The following GRIN3A variants were observed in gnomAD, a reference collection of about 807,000 sequenced individuals.
GRIN3A encodes the protein glutamate receptor ionotropic, NMDA 3A.
A neutral mutation model predicts 92.4 loss-of-function variants in GRIN3A; 47 were observed. The ratio of observed to expected loss-of-function variants is 0.51; its 90% CI spans 0.40 to 0.65. GRIN3A has a LOEUF of 0.65. GRIN3A is among the 30% of genes least tolerant of loss of function. The pLI, the probability that GRIN3A is intolerant of heterozygous loss-of-function variation, is 0.00. For synonymous variants in GRIN3A, 527 were observed against 540.6 expected, an observed-to-expected ratio of 0.97 and a Z score of 0.35; for missense variants, 1,324 against 1,393.1, an observed-to-expected ratio of 0.95 and a Z score of 0.79.
chr9:101,688,694 G>C (rs1829572942), intron 1 of GRIN3A, among the ~76,000 whole-genome samples: 1 of 152,084 alleles, frequency 6.6e-6, no homozygotes. Context: ...GGCCGAGGCA[G>C]GATCACTTGA....
chr9:101,735,464 G>A (rs1382670923), intron 1 of GRIN3A, among the ~76,000 whole-genome samples: 1 of 151,350 alleles, frequency 6.6e-6, no homozygotes, highest in African/African-American at 2.4e-5. Flanking sequence ...GGTTTTTCTG[G>A]TCCCCTTGTT....
At chr9:101,677,371 T>C (rs570962796) in intron 2 of GRIN3A, among the ~76,000 whole-genome samples, 2 of 152,122 alleles carry the variant, frequency 1.3e-5, no homozygotes, top group African/African-American at 4.8e-5. Context: ...TTTTTCTGAA[T>C]TTTTTGTTTT....
intron 6 of GRIN3A, among the ~76,000 whole-genome samples, chr9:101,603,233 G>A (rs1403999856): frequency 1.3e-5 from 2 of 151,986 alleles, no homozygotes; most frequent in South Asian, 4.1e-4. Flanking sequence ...TGCTTTTTTC[G>A]AGATGGGACC....
At chr9:101,703,730 T>G (rs1185335479) in intron 1 of GRIN3A, among the ~76,000 whole-genome samples, 1 of 152,230 alleles carries the variant, frequency 6.6e-6, no homozygotes, top group African/African-American at 2.4e-5. Context: ...TTTTGATTGA[T>G]AACGCATTTC....
chr9:101,635,925 C>A (rs1828778343), intron 3 of GRIN3A, among the ~76,000 whole-genome samples: 1 of 152,244 alleles, frequency 6.6e-6, no homozygotes, highest in African/African-American at 2.4e-5. Flanking sequence ...GAGTCTCACT[C>A]TGTCGCCCAG....
chr9:101,627,453 G>A (rs1828649270), intron 4 of GRIN3A, among the ~76,000 whole-genome samples: 1 of 152,138 alleles, frequency 6.6e-6, no homozygotes, highest in Non-Finnish European at 1.5e-5. Flanking sequence ...CCATTGGGGA[G>A]ATTATTGATG....
chr9:101,646,296 C>A (rs1223124183), intron 3 of GRIN3A, among the ~76,000 whole-genome samples: 2 of 151,752 alleles, frequency 1.3e-5, no homozygotes, highest in African/African-American at 2.4e-5. Context: ...ATATGGAGAT[C>A]CAGTTTTCCT....
At chr9:101,623,023 A>ACACACACACAC (rs1213430661) in intron 5 of GRIN3A, among the ~76,000 whole-genome samples, 1 of 66,486 alleles carries the variant, frequency 1.5e-5, no homozygotes, top group Non-Finnish European at 3.0e-5. Flanking sequence ...CACACACACA[A>ACACACACACAC]TACAGATTAA....
Position 101,732,126 on chromosome 9 carries a change from A to G in GRIN3A, c.699+5155T>C, listed in dbSNP as rs12000770. 7.1e-3 allele frequency among the ~76,000 whole-genome samples: 1,089 copies of G among 152,362 alleles called. 17 individuals are homozygous for G. The highest frequency in any genetic ancestry group is 0.025 in the African/African-American group (1,046 of 41,578). On this transcript the variant is annotated intron_variant, in intron 1 of 8. Coordinates refer to ENST00000361820, the MANE Select transcript of GRIN3A (RefSeq NM_133445.3). ...GAGCAATACTTTCCTAAGAGAGTAT[A>G]CAGTTATCTAGGGCAATGGGACTCA...
chr9:101,619,014 G>A (rs1203337426), intron 5 of GRIN3A, among the ~76,000 whole-genome samples: 1 of 152,168 alleles, frequency 6.6e-6, no homozygotes, highest in Non-Finnish European at 1.5e-5. Flanking sequence ...AATGGCCCAA[G>A]AGAACAGTTT....
intron 6 of GRIN3A, among the ~76,000 whole-genome samples, chr9:101,600,529 T>G (rs1425387953): frequency 6.6e-6 from 1 of 152,022 alleles, no homozygotes; most frequent in East Asian, 1.9e-4. Context: ...CCAGGAGAGT[T>G]TGGACAACAG....
At chr9:101,736,814 G>A (rs1158086780) in intron 1 of GRIN3A, among the ~76,000 whole-genome samples, 1 of 152,174 alleles carries the variant, frequency 6.6e-6, no homozygotes, top group East Asian at 1.9e-4. Context: ...AAGTCAGAGA[G>A]AGCAGATGCT....
intron 5 of GRIN3A, among the ~76,000 whole-genome samples, chr9:101,619,605 C>T (rs1828521724): frequency 6.6e-6 from 1 of 152,210 alleles, no homozygotes; most frequent in South Asian, 2.1e-4. Context: ...GATTAGATAA[C>T]TTGCCAGTTA....
At chr9:101,582,763 G>A (rs542592722) in intron 6 of GRIN3A, among the ~76,000 whole-genome samples, 1 of 152,114 alleles carries the variant, frequency 6.6e-6, no homozygotes, top group East Asian at 1.9e-4. Context: ...TGAGCAGATG[G>A]GCCCTGCTTT....
intron 2 of GRIN3A, among the ~76,000 whole-genome samples, chr9:101,682,708 C>T (rs534539263): frequency 2.2e-4 from 34 of 152,328 alleles, no homozygotes; most frequent in African/African-American, 7.7e-4. Context: ...TGTAGCTGGG[C>T]GTGGTGGCTC....
At chr9:101,677,795 T>C (rs1012220238) in intron 2 of GRIN3A, among the ~76,000 whole-genome samples, 2 of 152,148 alleles carry the variant, frequency 1.3e-5, no homozygotes, top group Non-Finnish European at 2.9e-5. Flanking sequence ...TCTCCATATA[T>C]GGGACAGTTC....
chr9:101,711,710 A>G (rs1829881299), intron 1 of GRIN3A, among the ~76,000 whole-genome samples: 1 of 152,086 alleles, frequency 6.6e-6, no homozygotes, highest in Non-Finnish European at 1.5e-5. Flanking sequence ...CAGTGGCGGA[A>G]TCTAGTGCTG....
intron 3 of GRIN3A, among the ~76,000 whole-genome samples, chr9:101,662,816 C>G (rs1157031933): frequency 1.3e-5 from 2 of 151,578 alleles, no homozygotes; most frequent in Non-Finnish European, 2.9e-5. Context: ...TTCTTTTAAC[C>G]CAATTTTTAT....
chr9:101,697,390 A>G (rs1829697670), intron 1 of GRIN3A, among the ~76,000 whole-genome samples: 1 of 152,206 alleles, frequency 6.6e-6, no homozygotes, highest in East Asian at 1.9e-4. Flanking sequence ...ATACTTTCCC[A>G]TGAATTAGTA....
Sources: allele counts gnomAD v4.1 joint callset (sites outside exome capture counted in the v4.1 genomes callset), GRCh38; gene constraint gnomAD v4.1.1; transcripts MANE v1.5; gene names NCBI Gene and HGNC (gene_info 2026-07-23, HGNC 2026-07-21).